Variants in FRMD4A observed in about 807,000 individuals in gnomAD.
FRMD4A encodes FERM domain containing 4A.
FRMD4A carries 29 observed loss-of-function variants against 129.1 expected under a neutral mutation model. The ratio of observed to expected loss-of-function variants is 0.22; its 90% CI spans 0.17 to 0.31. The LOEUF (loss-of-function observed/expected upper bound fraction) is 0.31. Among genes scored for constraint, FRMD4A ranks in the 10% least tolerant of loss-of-function variants. The probability of loss-of-function intolerance (pLI) is 1.00; values close to 1 mark genes in which losing one functional copy is unlikely to be tolerated. For missense variants in FRMD4A, 1,272 were observed against 1,375.8 expected, an observed-to-expected ratio of 0.92 and a Z score of 1.19; for synonymous variants, 634 against 571.6, an observed-to-expected ratio of 1.11 and a Z score of -1.56.
intron 2 of FRMD4A, among the ~76,000 whole-genome samples, chr10:14,169,691 C>T (rs1841375073): frequency 1.3e-5 from 2 of 152,112 alleles, no homozygotes; most frequent in South Asian, 4.1e-4. Flanking sequence ...GAAACTGTCT[C>T]ACACTTTCTT....
At chr10:13,718,874 T>G (rs2089138130) in intron 12 of FRMD4A, among the ~76,000 whole-genome samples, 1 of 152,232 alleles carries the variant, frequency 6.6e-6, no homozygotes, top group Non-Finnish European at 1.5e-5. Context: ...TATGCTCTAA[T>G]GTCTTCCTCA....
intron 2 of FRMD4A, among the ~76,000 whole-genome samples, chr10:14,306,449 C>T (rs1564453966): frequency 6.6e-6 from 1 of 152,180 alleles, no homozygotes; most frequent in African/African-American, 2.4e-5. Context: ...GCTTATAATA[C>T]AGCAAACAGC....
At chr10:13,797,882 T>A (rs2093156326) in intron 4 of FRMD4A, among the ~76,000 whole-genome samples, 1 of 127,608 alleles carries the variant, frequency 7.8e-6, no homozygotes, top group Non-Finnish European at 1.8e-5. Flanking sequence ...TCCAACCCCT[T>A]TTTGAGGCTT....
chr10:13,772,836 C>T (rs1311333852), intron 6 of FRMD4A, among the ~76,000 whole-genome samples: 1 of 151,926 alleles, frequency 6.6e-6, no homozygotes. Context: ...AGGTGGGGAT[C>T]GTTAATGGGT....
At chr10:13,872,572 T>C (rs560863293) in intron 2 of FRMD4A, among the ~76,000 whole-genome samples, 1 of 152,362 alleles carries the variant, frequency 6.6e-6, no homozygotes. Context: ...AGCACATGCG[T>C]TCACGCAGAC....
At chr10:13,864,216 G>A (rs61833459) in intron 2 of FRMD4A, among the ~76,000 whole-genome samples, 36,044 of 151,160 alleles carry the variant, frequency 0.24, 4,603 homozygotes, top group Non-Finnish European at 0.29. Flanking sequence ...GGCTGGTCTC[G>A]AACTCCTGGC....
At chr10:13,779,903 C>A (rs923452179) in intron 6 of FRMD4A, among the ~76,000 whole-genome samples, 1 of 152,134 alleles carries the variant, frequency 6.6e-6, no homozygotes, top group Non-Finnish European at 1.5e-5. Context: ...AGGAATGAAC[C>A]GTTCTTGTCT....
At chr10:13,731,010 A>G (rs1489175793) in intron 12 of FRMD4A, among the ~76,000 whole-genome samples, 4 of 150,634 alleles carry the variant, frequency 2.7e-5, no homozygotes, top group African/African-American at 9.8e-5. Context: ...CCTGGGAGAC[A>G]GAGCGAGACT....
At chr10:14,044,556 A>G (rs1037953070) in intron 2 of FRMD4A, among the ~76,000 whole-genome samples, 1 of 152,232 alleles carries the variant, frequency 6.6e-6, no homozygotes, top group African/African-American at 2.4e-5. Context: ...ACAGAGGCAC[A>G]TTGGAAGAGG....
At chr10:13,695,268 G>A (rs2086108240) in intron 14 of FRMD4A, among the ~76,000 whole-genome samples, 1 of 152,014 alleles carries the variant, frequency 6.6e-6, no homozygotes, top group Non-Finnish European at 1.5e-5. Flanking sequence ...AGCCTCCTGA[G>A]TAGTGGGGAT....
intron 2 of FRMD4A, among the ~76,000 whole-genome samples, chr10:14,324,811 C>T (rs1399783206): frequency 1.3e-5 from 2 of 152,146 alleles, no homozygotes; most frequent in East Asian, 3.9e-4. Flanking sequence ...CAGGTGCACC[C>T]CACCACGCCT....
intron 15 of FRMD4A, among the ~76,000 whole-genome samples, chr10:13,689,383 G>C (rs1460000824): frequency 1.3e-5 from 2 of 151,776 alleles, no homozygotes; most frequent in Non-Finnish European, 2.9e-5. Flanking sequence ...TGACAAGATG[G>C]ATACTACTGC....
At chr10:14,123,788 C>T (rs185731860) in intron 2 of FRMD4A, among the ~76,000 whole-genome samples, 2 of 152,176 alleles carry the variant, frequency 1.3e-5, no homozygotes, top group African/African-American at 2.4e-5. Flanking sequence ...TGTTACTAAG[C>T]CTTTACATAG....
intron 2 of FRMD4A, among the ~76,000 whole-genome samples, chr10:13,951,868 C>T (rs1204879513): frequency 6.8e-6 from 1 of 146,744 alleles, no homozygotes; most frequent in Non-Finnish European, 1.5e-5. Context: ...GCAGCCTGGG[C>T]TACAGAGTGA....
chr10:14,011,400 C>G (rs564612388), intron 2 of FRMD4A, among the ~76,000 whole-genome samples: 1 of 152,100 alleles, frequency 6.6e-6, no homozygotes, highest in African/African-American at 2.4e-5. Context: ...GTTATTAGAG[C>G]CAGGGGCCAG....
chr10:14,144,649 G>T (rs1839991573), intron 2 of FRMD4A, among the ~76,000 whole-genome samples: 1 of 152,170 alleles, frequency 6.6e-6, no homozygotes, highest in African/African-American at 2.4e-5. Context: ...ACTCAGAAGG[G>T]TGATCTCATG....
At chr10:14,004,510 C>A (rs1485547774) in intron 2 of FRMD4A, among the ~76,000 whole-genome samples, 1 of 152,126 alleles carries the variant, frequency 6.6e-6, no homozygotes, top group African/African-American at 2.4e-5. Flanking sequence ...CCACTGAACT[C>A]CAGCCCGGGC....
chr10:14,057,071 G>T (rs183662682), intron 2 of FRMD4A, among the ~76,000 whole-genome samples: 5 of 152,260 alleles, frequency 3.3e-5, no homozygotes, highest in African/African-American at 1.2e-4. Flanking sequence ...CAACACATGA[G>T]AAAAATGCTA....
chr10:14,201,821 AC>A (rs1195689806), intron 2 of FRMD4A, among the ~76,000 whole-genome samples: 3 of 152,172 alleles, frequency 2.0e-5, no homozygotes, highest in Non-Finnish European at 2.9e-5. Context: ...ATAAAGGAAG[AC>A]CTTCGTGTCT....
Sources: gnomAD v4.1 joint callset for allele counts (sites outside exome capture counted in the v4.1 genomes callset) on GRCh38, gnomAD v4.1.1 for gene constraint, MANE v1.5 for transcripts, NCBI Gene and HGNC (gene_info 2026-07-23, HGNC 2026-07-21) for gene names.